Variants in PHACTR2 observed in about 807,000 individuals in gnomAD.
The protein encoded by PHACTR2 is phosphatase and actin regulator 2, also known as chromosome 6 open reading frame 56.
PHACTR2 carries 30 observed loss-of-function variants against 76.0 expected under a neutral mutation model. The ratio of observed to expected loss-of-function variants is 0.39; its 90% CI spans 0.30 to 0.54. PHACTR2 has a LOEUF of 0.54. Ranked by LOEUF, PHACTR2 falls within the 20% of genes least tolerant of loss-of-function variation. The pLI is 0.61. For synonymous variants in PHACTR2, 292 were observed against 292.5 expected (o/e 1.00, Z 0.02); for missense variants, 696 against 781.1 (o/e 0.89, Z 1.30).
chr6:143,730,049 C>A lies in PHACTR2; in HGVS notation c.214+17866C>A, dbSNP rs1035638433. Among the ~76,000 whole-genome samples the A allele has an allele frequency of 6.2e-4, 94 of 152,110 alleles. 1 individual carries two copies. The highest frequency in any genetic ancestry group is 1.1e-3 in the Non-Finnish European group (72 of 67,996). On this transcript the variant is annotated intron_variant, in intron 2 of 12. Transcript: ENST00000440869. This position sits in a 1 kb window ranked among gnomAD's most constrained non-coding sequence, Gnocchi z 4.8. ...TGTGTCTATTCTTTCACCAATATCA[C>A]ACTATCTTGATTATTATAGCTTTAT...
In PHACTR2 at chr6:143,733,524, G is replaced by A. The variant is rs558880079; in HGVS notation, c.215-15461G>A. 2.6e-5 allele frequency among the ~76,000 whole-genome samples: 4 copies of A among 152,316 alleles called. No homozygotes were observed. Among genetic ancestry groups the A allele is most frequent in the Non-Finnish European group, 4.4e-5 (3 of 68,026 alleles). On this transcript the variant is annotated intron_variant, in intron 2 of 12. Coordinates refer to ENST00000440869, the MANE Select transcript of PHACTR2 (RefSeq NM_001100164.2). The surrounding 1 kb of genome is among the most constrained non-coding windows in gnomAD (Gnocchi z 4.0). ...TTGGAAAGTGCTGGATTTGGGGTGA[G>A]GGGTAGGGAATGACTGCTTGTTTTC...
intron 12 of PHACTR2, among the ~76,000 whole-genome samples, chr6:143,814,009 G>A (rs1242752750): frequency 6.6e-6 from 1 of 152,176 alleles, no homozygotes; most frequent in Non-Finnish European, 1.5e-5. Flanking sequence ...CATGTGTTAT[G>A]TACTATGTTC....
chr6:143,574,155 C>G (rs1313566983), intron 1 of PHACTR2, among the ~76,000 whole-genome samples: 1 of 152,156 alleles, frequency 6.6e-6, no homozygotes, highest in Non-Finnish European at 1.5e-5. Flanking sequence ...GCTGAGTGCC[C>G]CTGGTTTGCT....
upstream of PHACTR2, among the ~76,000 whole-genome samples, chr6:143,607,299 C>T (rs139015753): frequency 2.3e-3 from 350 of 152,342 alleles, no homozygotes; most frequent in African/African-American, 7.7e-3. Context: ...GCGCTGTCCC[C>T]AGCATCTAAT....
Position 143,581,319 on chromosome 6 carries a change from G to C in PHACTR2, c.217+44112G>C, listed in dbSNP as rs79127163. ...ACTGTATCAAGTTATCCTCCTGACC[G>C]GGCGCAGTGGTTCATGCCTGTAATC... On this transcript the variant is annotated intron_variant, in intron 1 of 11. Transcript: ENST00000367584. The surrounding 1 kb of genome is among the most constrained non-coding windows in gnomAD (Gnocchi z 4.5). Among the ~76,000 whole-genome samples the C allele has an allele frequency of 6.6e-6, 1 of 152,088 alleles. No homozygotes were observed. The highest frequency in any genetic ancestry group is 2.4e-5 in the African/African-American group (1 of 41,396).
Position 143,819,129 on chromosome 6 carries a change from G to T in PHACTR2, c.1923-4545G>T, listed in dbSNP as rs1227807912. Among the ~76,000 whole-genome samples, 1 of 152,132 alleles carries T rather than the reference G, an allele frequency of 6.6e-6. No homozygotes were observed. The highest frequency in any genetic ancestry group is 1.5e-5 in the Non-Finnish European group (1 of 68,018). ...AACAAATAACTTCCTAGATACCCCT[G>T]TGTATATGTGTTCAGTGACTTATGC... On this transcript the variant is annotated intron_variant, in intron 12 of 12. Transcript: ENST00000440869. The surrounding 1 kb of genome is among the most constrained non-coding windows in gnomAD (Gnocchi z 5.0).
In PHACTR2 at chr6:143,541,742, T is replaced by G. The variant is rs554626518; in HGVS notation, c.217+4535T>G. Among the ~76,000 whole-genome samples, 1 of 152,346 alleles carries G rather than the reference T, an allele frequency of 6.6e-6. No individual in the cohort carries two copies. Among genetic ancestry groups the G allele is most frequent in the Admixed American group, 6.5e-5 (1 of 15,310 alleles). ...TGTACTATCAGTTCATATGCACTGC[T>G]TCCTGGCCACTTCCATGAGATACTG... On this transcript the variant is annotated intron_variant, in intron 1 of 11. Coordinates refer to the PHACTR2 transcript ENST00000367584. The surrounding 1 kb of genome is among the most constrained non-coding windows in gnomAD (Gnocchi z 5.3).
chr6:143,760,588 G>A lies in PHACTR2; in HGVS notation c.642G>A (p.Gln214=), dbSNP rs1288627021. 1.1e-5 allele frequency: 18 copies of A among 1,613,954 alleles called. No individual in the cohort carries two copies. The highest frequency in any genetic ancestry group is 2.2e-5 in the East Asian group (1 of 44,864). The change falls in exon 5 of 13, where the codon CAG becomes CAA. Residue 214 remains glutamine, a synonymous_variant. Transcript: ENST00000440869. The surrounding 1 kb of genome is among the most constrained non-coding windows in gnomAD (Gnocchi z 6.4). ...IKKNTKAPGK[Q]APVPPPKPAS... The stretch of plus-strand genomic sequence containing the variant: ...AAAATACCAAGGCTCCTGGTAAGCA[G>A]GCCCCCGTCCCTCCACCCAAGCCAG...
intron 1 of PHACTR2, among the ~76,000 whole-genome samples, chr6:143,555,728 G>C (rs1775164394): frequency 4.6e-5 from 7 of 152,028 alleles, no homozygotes; most frequent in Admixed American, 4.6e-4. Context: ...GCCCCAGCCA[G>C]CTGTTTGAGT....
chr6:143,722,604 G>A lies in PHACTR2; in HGVS notation c.214+10421G>A, dbSNP rs1035994399. ...ATATACATCACCTCAAACATTTATC[G>A]TTTCTTTTTGTTAGAAATAGTCCAG... is the stretch of plus-strand genomic sequence containing the variant. On this transcript the variant is annotated intron_variant, in intron 2 of 12. Coordinates refer to ENST00000440869, the MANE Select transcript of PHACTR2 (RefSeq NM_001100164.2). This position sits in a 1 kb window ranked among gnomAD's most constrained non-coding sequence, Gnocchi z 4.1. Among the ~76,000 whole-genome samples the A allele has an allele frequency of 4.0e-5, 6 of 151,892 alleles. No individual in the cohort carries two copies. The highest frequency in any genetic ancestry group is 6.6e-5 in the Admixed American group (1 of 15,250).
intron 1 of PHACTR2, among the ~76,000 whole-genome samples, chr6:143,628,978 T>C (rs867291210): frequency 3.4e-5 from 4 of 117,526 alleles, no homozygotes; most frequent in South Asian, 6.1e-4. Flanking sequence ...TATATATATA[T>C]ACTGCAAATC....
intron 9 of PHACTR2, among the ~76,000 whole-genome samples, chr6:143,781,096 T>C (rs2128477483): frequency 6.6e-6 from 1 of 152,286 alleles, no homozygotes. Context: ...TTGGACTACA[T>C]AGGGACAGCC....
intron 1 of PHACTR2, among the ~76,000 whole-genome samples, chr6:143,568,553 T>C (rs929123354): frequency 6.6e-6 from 1 of 152,244 alleles, no homozygotes; most frequent in African/African-American, 2.4e-5. Context: ...CTCCCACATA[T>C]AAGCAAGAGG....
rs572179744 is a variant in PHACTR2 at position 143,541,706 on chromosome 6, G to A, written c.217+4499G>A. The stretch of plus-strand genomic sequence containing the variant: ...GTGCTGAGTGGAAGTGAGAAATCTC[G>A]CATACCTCAATGTACTATCAGTTCA... On this transcript the variant is annotated intron_variant, in intron 1 of 11. Coordinates refer to the PHACTR2 transcript ENST00000367584. The surrounding 1 kb of genome is among the most constrained non-coding windows in gnomAD (Gnocchi z 5.3). Among the ~76,000 whole-genome samples, 4 of 152,084 alleles carry A rather than the reference G, an allele frequency of 2.6e-5. No individual in the cohort carries two copies. Among genetic ancestry groups the A allele is most frequent in the Non-Finnish European group, 5.9e-5 (4 of 68,020 alleles).
rs760172386 is a variant in PHACTR2 at position 143,583,487 on chromosome 6, G to A, written c.217+46280G>A. On this transcript the variant is annotated intron_variant, in intron 1 of 11. Coordinates refer to the PHACTR2 transcript ENST00000367584. This position sits in a 1 kb window ranked among gnomAD's most constrained non-coding sequence, Gnocchi z 4.0. The stretch of plus-strand genomic sequence containing the variant: ...TTGTACTTAATCACAAAAGCAGAGA[G>A]TCTGACAAGAATTTGAAAAAGGGTG... 2.6e-5 allele frequency among the ~76,000 whole-genome samples: 4 copies of A among 152,232 alleles called. No homozygotes were observed. The highest frequency in any genetic ancestry group is 4.4e-5 in the Non-Finnish European group (3 of 68,042).
In PHACTR2 at chr6:143,578,415, T is replaced by C. The variant is rs760548317; in HGVS notation, c.217+41208T>C. Among the ~76,000 whole-genome samples, 1 of 152,106 alleles carries C rather than the reference T, an allele frequency of 6.6e-6. No homozygotes were observed. The highest frequency in any genetic ancestry group is 2.4e-5 in the African/African-American group (1 of 41,412). Reference sequence around the variant, plus strand: ...GATACGTGGCATTAGGCTTTCCCCATAAGAAAGGTTGAGCATGGTAGCCAT... The same window carrying C: ...GATACGTGGCATTAGGCTTTCCCCACAAGAAAGGTTGAGCATGGTAGCCAT... On this transcript the variant is annotated intron_variant, in intron 1 of 11. Coordinates refer to the PHACTR2 transcript ENST00000367584. This position sits in a 1 kb window ranked among gnomAD's most constrained non-coding sequence, Gnocchi z 4.5.
At chr6:143,744,649 C>T (rs757452381) in intron 2 of PHACTR2, among the ~76,000 whole-genome samples, 13 of 152,062 alleles carry the variant, frequency 8.5e-5, no homozygotes, top group Admixed American at 7.2e-4. Flanking sequence ...CATGCAGGGC[C>T]CCAAGAAATT....
chr6:143,706,605 A>G (rs1414026608), intron 1 of PHACTR2, among the ~76,000 whole-genome samples: 1 of 152,146 alleles, frequency 6.6e-6, no homozygotes, highest in East Asian at 1.9e-4. Flanking sequence ...ATACATGTTC[A>G]GCAGTTTCAG....
intron 1 of PHACTR2, among the ~76,000 whole-genome samples, chr6:143,651,453 A>G (rs540202552): frequency 1.3e-5 from 2 of 152,248 alleles, no homozygotes; most frequent in African/African-American, 2.4e-5. Flanking sequence ...ATGCCCATCA[A>G]TGATAGACTG....
Sources: allele counts gnomAD v4.1 joint callset (sites outside exome capture counted in the v4.1 genomes callset), GRCh38; gene constraint gnomAD v4.1.1; non-coding constraint Gnocchi (gnomAD v3.1); transcripts MANE v1.5; gene names NCBI Gene and HGNC (gene_info 2026-07-23, HGNC 2026-07-21).